FUT8: variants seen among roughly 807,000 people sequenced by gnomAD.
FUT8 encodes the protein fucosyltransferase 8.
FUT8 carries 29 observed loss-of-function variants against 71.3 expected under a neutral mutation model. The observed-to-expected ratio is 0.41, with a 90% CI of 0.30 to 0.55. The LOEUF is 0.55. Ranked by LOEUF, FUT8 falls within the 20% of genes least tolerant of loss-of-function variation. The pLI is 0.34. For missense variants in FUT8, 544 were observed against 702.1 expected, an observed-to-expected ratio of 0.77 and a Z score of 2.55; for synonymous variants, 254 against 239.3, an observed-to-expected ratio of 1.06 and a Z score of -0.57.
chr14:65,676,450 A>C (rs1419914669), intron 7 of FUT8, among the ~76,000 whole-genome samples: 1 of 152,248 alleles, frequency 6.6e-6, no homozygotes, highest in South Asian at 2.1e-4. Context: ...AAATACTGAT[A>C]TACCTATTAT....
chr14:65,484,365 T>A (rs2066377624), intron 2 of FUT8, among the ~76,000 whole-genome samples: 1 of 152,174 alleles, frequency 6.6e-6, no homozygotes, highest in South Asian at 2.1e-4. Flanking sequence ...AAGTATGATG[T>A]TGTAGATTTT....
chr14:65,377,703 G>A, the FUT8 span, among the ~76,000 whole-genome samples: 1 of 149,622 alleles, frequency 6.7e-6, no homozygotes, highest in Non-Finnish European at 1.5e-5. Context: ...TGTCAACCTC[G>A]ATCTTGTAAA....
At chr14:65,584,580 A>G (rs1174303760) in intron 3 of FUT8, among the ~76,000 whole-genome samples, 1 of 152,224 alleles carries the variant, frequency 6.6e-6, no homozygotes, top group Non-Finnish European at 1.5e-5. Flanking sequence ...TAGGGATATA[A>G]AAAATGGGAT....
intron 2 of FUT8, chr14:65,470,980 C>T (rs1337441247): frequency 1.5e-5 from 6 of 406,568 alleles, no homozygotes; most frequent in African/African-American, 1.3e-4. Flanking sequence ...TTCTACTGTC[C>T]TTGCTTTTAT....
intron 7 of FUT8, among the ~76,000 whole-genome samples, chr14:65,684,182 C>T (rs1384619520): frequency 6.6e-6 from 1 of 151,804 alleles, no homozygotes; most frequent in Non-Finnish European, 1.5e-5. Flanking sequence ...CTATAATATA[C>T]CCTTAAATAT....
At chr14:65,605,701 T>C (rs1370092675) in intron 3 of FUT8, among the ~76,000 whole-genome samples, 1 of 152,040 alleles carries the variant, frequency 6.6e-6, no homozygotes, top group African/African-American at 2.4e-5. Context: ...TGGTATTCTG[T>C]TATGGCAGCC....
chr14:65,683,214 T>G (rs1290449012), intron 7 of FUT8, among the ~76,000 whole-genome samples: 1 of 151,978 alleles, frequency 6.6e-6, no homozygotes, highest in Admixed American at 6.6e-5. Context: ...GGGGTTTCAC[T>G]ATGTTGGCCA....
rs150640155 is a variant in FUT8 at position 65,657,289 on chromosome 14, T to G, written c.598-11954T>G. ...GGGCGTTCCTCATAAAAGTAAAAAT[T>G]GAACTACCATATGATCCAGCAACCC... On this transcript the variant is annotated intron_variant, in intron 6 of 10. Coordinates refer to ENST00000673929, the MANE Select transcript of FUT8 (RefSeq NM_001371533.1). 3.5e-3 allele frequency among the ~76,000 whole-genome samples: 529 copies of G among 152,132 alleles called. 2 individuals are homozygous for G. Among genetic ancestry groups the G allele is most frequent in the African/African-American group, 0.012 (502 of 41,494 alleles).
At chr14:65,523,532 C>T (rs1163683330) in intron 2 of FUT8, among the ~76,000 whole-genome samples, 2 of 152,154 alleles carry the variant, frequency 1.3e-5, no homozygotes, top group Non-Finnish European at 1.5e-5. Flanking sequence ...GTTGCCTGTT[C>T]ACTCTGATGG....
At chr14:65,628,059 A>G (rs527338689) in intron 5 of FUT8, among the ~76,000 whole-genome samples, 31 of 152,178 alleles carry the variant, frequency 2.0e-4, no homozygotes, top group Admixed American at 5.9e-4. Flanking sequence ...AAACCTTATG[A>G]AGATGGTGAC....
chr14:65,425,805 A>G (rs952118447), intron 1 of FUT8, among the ~76,000 whole-genome samples: 7 of 151,856 alleles, frequency 4.6e-5, no homozygotes, highest in Non-Finnish European at 1.0e-4. Context: ...ATGAAACCCC[A>G]TCTCTATTAA....
rs1485212526 is a variant in FUT8 at position 65,652,236 on chromosome 14, C to T, written c.598-17007C>T. On this transcript the variant is annotated intron_variant, in intron 6 of 10. Coordinates refer to ENST00000673929, the MANE Select transcript of FUT8 (RefSeq NM_001371533.1). The surrounding 1 kb of genome is among the most constrained non-coding windows in gnomAD (Gnocchi z 4.0). ...ACACTTTGTAAGAGCCTTCAGTGGA[C>T]CAGAAGCTGGAAAGGCCAGATACTC... 3.3e-5 allele frequency among the ~76,000 whole-genome samples: 5 copies of T among 152,184 alleles called. No homozygotes were observed. The highest frequency in any genetic ancestry group is 2.1e-4 in the South Asian group (1 of 4,836).
rs1024172448 is a variant in FUT8, at chr14:65,503,253, A to G, written c.-228+47535A>G. Among the ~76,000 whole-genome samples, 4 of 152,330 alleles carry G rather than the reference A, an allele frequency of 2.6e-5. No individual in the cohort carries two copies. In the East Asian group the frequency reaches 5.8e-4, roughly 22 times the overall value. On this transcript the variant is annotated intron_variant, in intron 2 of 10. Transcript: ENST00000673929. ...GTGAGACTGCTTGGTAATTGTGTAC[A>G]TATTTAAGGGAAACTGAGTAATGGA...
chr14:65,614,111 C>A (rs1325785160), intron 3 of FUT8, among the ~76,000 whole-genome samples: 326 of 134,292 alleles, frequency 2.4e-3, no homozygotes, highest in Non-Finnish European at 2.9e-3. Flanking sequence ...GAGACTGTGT[C>A]AAAAAAAAAA....
chr14:65,707,034 T>C (rs1409808310), intron 7 of FUT8, among the ~76,000 whole-genome samples: 2 of 152,196 alleles, frequency 1.3e-5, no homozygotes, highest in African/African-American at 4.8e-5. Flanking sequence ...CTTGATGGAA[T>C]GGCAGGGCTC....
chr14:65,635,004 C>A (rs2140282075), intron 6 of FUT8, among the ~76,000 whole-genome samples: 1 of 152,286 alleles, frequency 6.6e-6, no homozygotes, highest in African/African-American at 2.4e-5. Context: ...TCTATGATTT[C>A]TTTCAGCACT....
the FUT8 span, among the ~76,000 whole-genome samples, chr14:65,376,342 C>G: frequency 6.6e-6 from 1 of 152,070 alleles, no homozygotes; most frequent in Non-Finnish European, 1.5e-5. Flanking sequence ...ATCAGCCAAA[C>G]AAAATCAAGA....
intron 6 of FUT8, among the ~76,000 whole-genome samples, chr14:65,650,689 T>C (rs1406165872): frequency 7.2e-6 from 1 of 138,066 alleles, no homozygotes; most frequent in Non-Finnish European, 1.5e-5. Context: ...ACCAGATCAC[T>C]GTAATTCCTG....
chr14:65,737,004 G>A (rs1463618369), intron 10 of FUT8, among the ~76,000 whole-genome samples: 1 of 152,060 alleles, frequency 6.6e-6, no homozygotes, highest in Non-Finnish European at 1.5e-5. Context: ...AGACAATACT[G>A]CAGGAATGAA....
Sources: allele counts gnomAD v4.1 joint callset (sites outside exome capture counted in the v4.1 genomes callset), GRCh38; gene constraint gnomAD v4.1.1; non-coding constraint Gnocchi (gnomAD v3.1); transcripts MANE v1.5; gene names NCBI Gene and HGNC (gene_info 2026-07-23, HGNC 2026-07-21).